USP49: variants seen among roughly 807,000 people sequenced by gnomAD.
The protein encoded by USP49 is ubiquitin specific peptidase 49.
USP49 carries 24 observed loss-of-function variants against 58.6 expected under a neutral mutation model. The observed-to-expected ratio is 0.41, with a 90% CI of 0.30 to 0.58. The LOEUF (loss-of-function observed/expected upper bound fraction) is 0.58, where lower values mean the gene tolerates loss of function less well. Among genes scored for constraint, USP49 ranks in the 20% least tolerant of loss-of-function variants. The pLI, the probability that USP49 is intolerant of heterozygous loss-of-function variation, is 0.30. For missense variants in USP49, 703 were observed against 866.1 expected (o/e 0.81, Z 2.36); for synonymous variants, 408 against 365.1 (o/e 1.12, Z -1.34).
intron 7 of USP49, 45 bp from the exon 8 acceptor site, chr6:41,796,768 CAT>C: frequency 1.4e-6 from 1 of 705,472 alleles, no homozygotes; most frequent in Non-Finnish European, 2.6e-6. Flanking sequence ...CTACCCAATT[CAT>C]ATTTTAGTCA....
intron 3 of USP49, among the ~76,000 whole-genome samples, chr6:41,839,445 G>C (rs1252632899): frequency 2.3e-5 from 2 of 86,576 alleles, no homozygotes; most frequent in African/African-American, 3.9e-5. Flanking sequence ...AAGTCTGCAA[G>C]AGCATAAATA....
chr6:41,815,803 T>C (rs1020757444), intron 3 of USP49, among the ~76,000 whole-genome samples: 2 of 152,228 alleles, frequency 1.3e-5, no homozygotes, highest in Non-Finnish European at 2.9e-5. Flanking sequence ...TGAGGTGTGC[T>C]ATCACTCATT....
intron 2 of USP49, among the ~76,000 whole-genome samples, chr6:41,881,012 A>G (rs990805173): frequency 1.3e-4 from 19 of 151,940 alleles, no homozygotes; most frequent in African/African-American, 4.6e-4. Flanking sequence ...GGCTCATTGC[A>G]ACCTCTGTCT....
At chr6:41,886,652 T>C (rs1298147028) in intron 2 of USP49, 3 of 152,242 alleles carry the variant, frequency 2.0e-5, no homozygotes, top group Non-Finnish European at 4.4e-5. Flanking sequence ...ATCCCAACAC[T>C]TTGGGAGGCC....
chr6:41,890,378 C>CAA (rs34841111), intron 2 of USP49, among the ~76,000 whole-genome samples: 232 of 135,556 alleles, frequency 1.7e-3, no homozygotes, highest in Middle Eastern at 4.1e-3. Context: ...TACTCCAACT[C>CAA]AAAAAAAAAA....
rs890573495 is a variant in USP49, at chr6:41,871,605, C to G, written c.-70G>C. ...TTCCATCTTCTTCCATATTATTCCACAGTCATTGGTTAGGTTTCCTCTTCT... is the reference window on the plus strand; with the variant it reads ...TTCCATCTTCTTCCATATTATTCCAGAGTCATTGGTTAGGTTTCCTCTTCT... On this transcript the variant is annotated 5_prime_UTR_variant, in exon 3 of 8. Coordinates refer to ENST00000682992, the MANE Select transcript of USP49 (RefSeq NM_001286554.2). 2.0e-5 allele frequency: 3 copies of G among 152,150 alleles called. No homozygotes were observed. The highest frequency in any genetic ancestry group is 7.2e-5 in the African/African-American group (3 of 41,428). The allele number at this position is 152,150 out of a possible 1,614,324, so 9.4% of individuals were successfully genotyped here.
intron 3 of USP49, among the ~76,000 whole-genome samples, chr6:41,808,172 G>T (rs917876496): frequency 6.6e-6 from 1 of 152,042 alleles, no homozygotes; most frequent in Non-Finnish European, 1.5e-5. Flanking sequence ...TAAAGAACTG[G>T]ACAAATCTGA....
chr6:41,832,508 T>C (rs1340590700), intron 3 of USP49, among the ~76,000 whole-genome samples: 2 of 152,202 alleles, frequency 1.3e-5, no homozygotes, highest in Non-Finnish European at 2.9e-5. Flanking sequence ...GGTGTGTTGC[T>C]TGCAAAGAGA....
intron 3 of USP49, among the ~76,000 whole-genome samples, chr6:41,832,234 T>C (rs1773647262): frequency 6.6e-6 from 1 of 152,218 alleles, no homozygotes; most frequent in Non-Finnish European, 1.5e-5. Context: ...GATTTGTAAT[T>C]CTAGGTGGAG....
chr6:41,847,194 A>C (rs1339649129), intron 3 of USP49, among the ~76,000 whole-genome samples: 1 of 152,238 alleles, frequency 6.6e-6, no homozygotes, highest in East Asian at 1.9e-4. Context: ...ACAGGCCCTA[A>C]AGAAATGCAG....
intron 3 of USP49, among the ~76,000 whole-genome samples, chr6:41,818,865 A>G (rs1773405095): frequency 6.6e-6 from 1 of 152,112 alleles, no homozygotes; most frequent in Non-Finnish European, 1.5e-5. Context: ...GCCATACTGT[A>G]TATGTGATCC....
chr6:41,844,353 C>T (rs536649335), intron 3 of USP49, among the ~76,000 whole-genome samples: 47 of 151,806 alleles, frequency 3.1e-4, no homozygotes, highest in African/African-American at 8.5e-4. Context: ...GAGTCTCCTA[C>T]TGTCGCCCGG....
At position 41,795,043 on chromosome 6, in the gene USP49, C is replaced by T. The variant is rs543248118; in HGVS notation, c.*1490G>A. ...CTTTAGCCTGGCTTTCCCCACTTCC[C>T]ACTCCTCCCCGAACGCCCTTCCACA... On this transcript the variant is annotated 3_prime_UTR_variant, in exon 8 of 8. Transcript: ENST00000682992. The T allele has an allele frequency of 5.9e-5, 9 of 152,324 alleles. No individual in the cohort carries two copies. The highest frequency in any genetic ancestry group is 1.9e-4 in the African/African-American group (8 of 41,572). The allele number at this position is 152,324 out of a possible 1,614,324, so 9.4% of individuals were successfully genotyped here. A position where few individuals can be genotyped will look rare whatever the true frequency, so the allele number is the denominator to read the frequency against.
At chr6:41,852,614 T>C (rs2127351012) in intron 3 of USP49, among the ~76,000 whole-genome samples, 1 of 152,278 alleles carries the variant, frequency 6.6e-6, no homozygotes, top group Admixed American at 6.5e-5. Context: ...TGTTCCTGGA[T>C]TGGAAGACTT....
chr6:41,817,976 G>T (rs1399877964), intron 3 of USP49, among the ~76,000 whole-genome samples: 1 of 152,070 alleles, frequency 6.6e-6, no homozygotes, highest in African/African-American at 2.4e-5. Flanking sequence ...CTGCTTTATG[G>T]TATACTACTA....
intron 3 of USP49, among the ~76,000 whole-genome samples, chr6:41,835,671 G>A (rs1377346661): frequency 5.4e-5 from 8 of 149,336 alleles, no homozygotes; most frequent in African/African-American, 1.2e-4. Context: ...CCAAGATTGC[G>A]CCACTGCACT....
intron 3 of USP49, among the ~76,000 whole-genome samples, chr6:41,822,794 T>C (rs1773474276): frequency 6.6e-6 from 1 of 150,614 alleles, no homozygotes; most frequent in Admixed American, 6.7e-5. Flanking sequence ...CACTCAAGCC[T>C]GGCGACAGAG....
At position 41,794,221 on chromosome 6, in the gene USP49, C is replaced by T. The variant is rs1772848499; in HGVS notation, c.*2312G>A. On this transcript the variant is annotated 3_prime_UTR_variant, in exon 8 of 8. Transcript: ENST00000682992. ...TCACAAATGTGTAGCTCAGTGGAGACTCTGATGTTAGTTTCTTTTATTACT... is the reference window on the plus strand; with the variant it reads ...TCACAAATGTGTAGCTCAGTGGAGATTCTGATGTTAGTTTCTTTTATTACT... 1.3e-5 allele frequency: 2 copies of T among 152,288 alleles called. No homozygotes were observed. Among genetic ancestry groups the T allele is most frequent in the Non-Finnish European group, 2.9e-5 (2 of 68,050 alleles). The allele number at this position is 152,288 out of a possible 1,614,324, so 9.4% of individuals were successfully genotyped here.
At chr6:41,876,615 T>C (rs1416304891) in intron 2 of USP49, among the ~76,000 whole-genome samples, 3 of 151,944 alleles carry the variant, frequency 2.0e-5, no homozygotes, top group Non-Finnish European at 4.4e-5. Flanking sequence ...GGTTTCACCA[T>C]GTTGGCCAGG....
Sources: allele counts gnomAD v4.1 joint callset (sites outside exome capture counted in the v4.1 genomes callset), GRCh38; gene constraint gnomAD v4.1.1; transcripts MANE v1.5; gene names NCBI Gene and HGNC (gene_info 2026-07-23, HGNC 2026-07-21).